The following NT5C2 variants were observed in gnomAD, a reference collection of about 807,000 sequenced individuals.
The protein encoded by NT5C2 is cytosolic purine 5'-nucleotidase.
In NT5C2, 58 loss-of-function variants were observed where a neutral mutation model predicts 76.1. That is an observed-to-expected ratio of 0.76 (90% CI 0.62 to 0.95). The LOEUF (loss-of-function observed/expected upper bound fraction) is 0.95, where lower values mean the gene tolerates loss of function less well. Ranked by LOEUF, NT5C2 falls within the 40% of genes least tolerant of loss-of-function variation. The pLI is 0.00. For missense variants in NT5C2, 478 were observed against 690.3 expected (o/e 0.69, Z 3.45); for synonymous variants, 229 against 237.4 (o/e 0.96, Z 0.32).
intron 4 of NT5C2, chr10:103,111,701 A>G: frequency 8.4e-7 from 1 of 1,195,998 alleles, no homozygotes; most frequent in Non-Finnish European, 1.0e-6. Context: ...ACCTCTACAG[A>G]GGTTCCAGCC....
intron 3 of NT5C2, among the ~76,000 whole-genome samples, chr10:103,167,891 C>T (rs2086816480): frequency 1.3e-5 from 2 of 152,150 alleles, no homozygotes; most frequent in Non-Finnish European, 2.9e-5. Context: ...GCCTGGGTCT[C>T]CCAAAGTGCT....
At position 103,090,761 on chromosome 10, in the gene NT5C2, GCA is replaced by G. The variant is rs763868339; in HGVS notation, c.1297_1298del (p.Cys433LeufsTer26). On this transcript the variant is annotated frameshift_variant, in exon 18 of 19. Coordinates refer to ENST00000404739, the MANE Select transcript of NT5C2 (RefSeq NM_001351169.2). LOFTEE classifies it high-confidence loss of function. The part of the protein sequence containing the change: ...IKKVTHDMDM[C>X]YGMMGSLFRS... Reference sequence around the variant, plus strand: ...GAAACAGGCTTCCCATCATCCCATAGCACATGTCCATGTCATGAGTTACTTTC... The same window carrying G: ...GAAACAGGCTTCCCATCATCCCATAGCATGTCCATGTCATGAGTTACTTTC... The G allele has an allele frequency of 2.5e-6, 4 of 1,614,102 alleles. No individual in the cohort carries two copies. Among genetic ancestry groups the G allele is most frequent in the Non-Finnish European group, 3.4e-6 (4 of 1,180,002 alleles).
At chr10:103,153,431 G>A (rs868008796) in intron 3 of NT5C2, 1 of 1,144,320 alleles carries the variant, frequency 8.7e-7, no homozygotes, top group Non-Finnish European at 1.1e-6. Flanking sequence ...CAACAAATTT[G>A]GGCACAATGC....
intron 4 of NT5C2, among the ~76,000 whole-genome samples, chr10:103,127,386 T>C (rs2076868115): frequency 6.6e-6 from 1 of 152,220 alleles, no homozygotes; most frequent in Non-Finnish European, 1.5e-5. Flanking sequence ...AATAAACCGA[T>C]ACACAGCTGG....
intron 4 of NT5C2, among the ~76,000 whole-genome samples, chr10:103,134,841 G>C (rs1390060848): frequency 6.6e-6 from 1 of 152,228 alleles, no homozygotes; most frequent in African/African-American, 2.4e-5. Context: ...TCCACCTCTT[G>C]CATCAGCAAG....
chr10:103,097,258 CT>C (rs1279082003), intron 11 of NT5C2, 32 bp downstream of exon 11: 1 of 1,473,702 alleles, frequency 6.8e-7, no homozygotes, highest in South Asian at 1.2e-5. Context: ...AATAATTCCA[CT>C]GCATAAATAA....
rs186645558 is a variant in NT5C2 at position 103,153,723 on chromosome 10, C to T, written c.102-14244G>A. 1.2e-5 allele frequency: 12 copies of T among 985,208 alleles called. No individual in the cohort carries two copies. In the Admixed American group the frequency reaches 3.7e-4, roughly 30 times the overall value. The allele number at this position is 985,208 out of a possible 1,614,324, so 61.0% of individuals were successfully genotyped here. ...TTTCACAGAATCAAGCAGCCCTGGT[C>T]GGTCAAAATCATTTTTAGTTTACTC... On this transcript the variant is annotated intron_variant, in intron 3 of 18. Coordinates refer to ENST00000404739, the MANE Select transcript of NT5C2 (RefSeq NM_001351169.2).
intron 4 of NT5C2, among the ~76,000 whole-genome samples, chr10:103,123,138 C>G (rs577932178): frequency 6.6e-6 from 1 of 152,020 alleles, no homozygotes; most frequent in South Asian, 2.1e-4. Flanking sequence ...TATTTTTTGA[C>G]TTTTTGTTTG....
chr10:103,129,573 T>G (rs1198947818), intron 4 of NT5C2, among the ~76,000 whole-genome samples: 1 of 83,898 alleles, frequency 1.2e-5, no homozygotes, highest in African/African-American at 4.7e-5. Context: ...GGGAGGGAGG[T>G]GGGGGTGTCA....
intron 3 of NT5C2, chr10:103,140,255 CTTT>C (rs1412895272): frequency 6.6e-6 from 1 of 152,008 alleles, no homozygotes; most frequent in Non-Finnish European, 1.5e-5. Flanking sequence ...CTATGGTTTC[CTTT>C]TTTGATTGTT....
intron 3 of NT5C2, among the ~76,000 whole-genome samples, chr10:103,145,477 G>A (rs1207929893): frequency 2.0e-5 from 3 of 152,072 alleles, no homozygotes; most frequent in East Asian, 1.9e-4. Flanking sequence ...ATTGGTCTCC[G>A]GACCTTGACT....
At chr10:103,183,260 G>T (rs1591860724) in intron 1 of NT5C2, among the ~76,000 whole-genome samples, 2 of 38,808 alleles carry the variant, frequency 5.2e-5, no homozygotes, top group African/African-American at 1.2e-4. Flanking sequence ...ATGTGTGTGT[G>T]TGATATATAT....
intron 3 of NT5C2, among the ~76,000 whole-genome samples, chr10:103,172,620 G>A (rs1325536196): frequency 6.6e-6 from 1 of 152,052 alleles, no homozygotes; most frequent in Non-Finnish European, 1.5e-5. Context: ...TGGATCACTT[G>A]AGGCCAGGAG....
chr10:103,102,524 CTTTT>C (rs1387033983), intron 6 of NT5C2, among the ~76,000 whole-genome samples: 1 of 151,276 alleles, frequency 6.6e-6, no homozygotes, highest in Non-Finnish European at 1.5e-5. Flanking sequence ...AGAATTTTTT[CTTTT>C]TTCTTTTTTT....
chr10:103,126,713 T>C (rs1230376212), intron 4 of NT5C2, among the ~76,000 whole-genome samples: 1 of 152,214 alleles, frequency 6.6e-6, no homozygotes, highest in African/African-American at 2.4e-5. Context: ...ATTCTAAACA[T>C]GACTTTCATA....
chr10:103,111,824 C>G (rs746228076), intron 4 of NT5C2: 2 of 1,229,166 alleles, frequency 1.6e-6, no homozygotes, highest in Non-Finnish European at 2.0e-6. Context: ...AAACAAAAAG[C>G]AACAAAACAA....
chr10:103,150,307 G>A (rs1462154227), intron 3 of NT5C2, among the ~76,000 whole-genome samples: 1 of 152,146 alleles, frequency 6.6e-6, no homozygotes, highest in Non-Finnish European at 1.5e-5. Flanking sequence ...ACTTTGTCAT[G>A]TGTCTGGCTT....
At chr10:103,127,220 A>C (rs2076834481) in intron 4 of NT5C2, among the ~76,000 whole-genome samples, 2 of 152,382 alleles carry the variant, frequency 1.3e-5, no homozygotes, top group African/African-American at 4.8e-5. Flanking sequence ...TAAGGAGCTA[A>C]ATACAAATAC....
At chr10:103,133,348 A>G (rs768489452) in intron 4 of NT5C2, among the ~76,000 whole-genome samples, 26 of 151,924 alleles carry the variant, frequency 1.7e-4, no homozygotes, top group Non-Finnish European at 3.2e-4. Flanking sequence ...GCTCACCGCA[A>G]TCTCCACCTC....
Sources: allele counts gnomAD v4.1 joint callset (sites outside exome capture counted in the v4.1 genomes callset), GRCh38; gene constraint gnomAD v4.1.1; transcripts MANE v1.5; gene names NCBI Gene and HGNC (gene_info 2026-07-23, HGNC 2026-07-21).